DPYSL5: variants seen among roughly 807,000 people sequenced by gnomAD.
DPYSL5 encodes the protein dihydropyrimidinase like 5, also known as dihydropyrimidinase-related protein 5.
In DPYSL5, 9 loss-of-function variants were observed where a neutral mutation model predicts 58.4. The observed-to-expected ratio is 0.15, with a 90% CI of 0.09 to 0.27. The LOEUF is 0.27. Among genes scored for constraint, DPYSL5 ranks in the 10% least tolerant of loss-of-function variants. The pLI, the probability that DPYSL5 is intolerant of heterozygous loss-of-function variation, is 1.00. For synonymous variants in DPYSL5, 293 were observed against 301.9 expected, an observed-to-expected ratio of 0.97 and a Z score of 0.31; for missense variants, 499 against 770.6, an observed-to-expected ratio of 0.65 and a Z score of 4.17.
chr2:26,877,639 C>T lies in DPYSL5; in HGVS notation c.-4-20857C>T, dbSNP rs1407107352. On this transcript the variant is annotated intron_variant, in intron 1 of 12. Transcript: ENST00000288699. This position sits in a 1 kb window ranked among gnomAD's most constrained non-coding sequence, Gnocchi z 4.1. ...CACTGTCACACAATATCTTTTAACT[C>T]ATCTGTATTTGTATAACAATATTTT... is the stretch of plus-strand genomic sequence containing the variant. 3.3e-5 allele frequency among the ~76,000 whole-genome samples: 5 copies of T among 152,314 alleles called. No individual in the cohort carries two copies. The highest frequency in any genetic ancestry group is 5.9e-5 in the Non-Finnish European group (4 of 68,012).
rs1664799687 is a variant in DPYSL5, at chr2:26,925,203, G to T, written c.420+158G>T. On this transcript the variant is annotated intron_variant, in intron 3 of 12. Coordinates refer to ENST00000288699, the MANE Select transcript of DPYSL5 (RefSeq NM_020134.4). This position sits in a 1 kb window ranked among gnomAD's most constrained non-coding sequence, Gnocchi z 4.5. Reference sequence around the variant, plus strand: ...AGAAAACACACTTGGGATTCCATAAGGGGAGCGGATGGGCTTGTGCTGCTT... The same window carrying T: ...AGAAAACACACTTGGGATTCCATAATGGGAGCGGATGGGCTTGTGCTGCTT... Among the ~76,000 whole-genome samples, 1 of 152,198 alleles carries T rather than the reference G, an allele frequency of 6.6e-6. No individual in the cohort carries two copies. Among genetic ancestry groups the T allele is most frequent in the Admixed American group, 6.5e-5 (1 of 15,292 alleles).
intron 1 of DPYSL5, among the ~76,000 whole-genome samples, chr2:26,856,871 A>G (rs1027013920): frequency 3.5e-5 from 5 of 143,704 alleles, no homozygotes; most frequent in African/African-American, 1.4e-4. Context: ...ACAGTAATCT[A>G]TCAGTTAAAA....
rs1665340774 is a variant in DPYSL5, at chr2:26,942,203, T to C, written c.1232+111T>C. The C allele has an allele frequency of 2.7e-6, 4 of 1,488,936 alleles. No homozygotes were observed. Among genetic ancestry groups the C allele is most frequent in the Non-Finnish European group, 3.6e-6 (4 of 1,102,934 alleles). 92.2% of individuals were successfully genotyped at this position (1,488,936 alleles called of 1,614,324 possible). A position where few individuals can be genotyped will look rare whatever the true frequency, so the allele number is the denominator to read the frequency against. ...TTTGCACTATTTCTAGCACAAAATA[T>C]GGCCCTGGCCTACCGTTGGCCATCT... On this transcript the variant is annotated intron_variant, in intron 10 of 12. Coordinates refer to ENST00000288699, the MANE Select transcript of DPYSL5 (RefSeq NM_020134.4). The surrounding 1 kb of genome is among the most constrained non-coding windows in gnomAD (Gnocchi z 5.9).
intron 2 of DPYSL5, among the ~76,000 whole-genome samples, chr2:26,912,317 G>A (rs1225522785): frequency 1.3e-5 from 2 of 152,228 alleles, no homozygotes; most frequent in Non-Finnish European, 2.9e-5. Flanking sequence ...CATTTCCAGG[G>A]CGGCCTCTCG....
At chr2:26,943,668 T>A (rs921570653) in intron 11 of DPYSL5, among the ~76,000 whole-genome samples, 3 of 152,246 alleles carry the variant, frequency 2.0e-5, no homozygotes, top group Non-Finnish European at 4.4e-5. Context: ...GGAACAGCTT[T>A]ACACATATTA....
rs947307037 is a variant in DPYSL5 at position 26,949,515 on chromosome 2, C to A, written c.*2520C>A. On this transcript the variant is annotated 3_prime_UTR_variant, in exon 13 of 13. Coordinates refer to ENST00000288699, the MANE Select transcript of DPYSL5 (RefSeq NM_020134.4). ...CCATCTCTATCCCTGTCAGCCCTCACTGGGTCATGGGCCTTGGGCAGATGT... is the reference window on the plus strand; with the variant it reads ...CCATCTCTATCCCTGTCAGCCCTCAATGGGTCATGGGCCTTGGGCAGATGT... 1 of 152,368 alleles carries A rather than the reference C, an allele frequency of 6.6e-6. No homozygotes were observed. The highest frequency in any genetic ancestry group is 1.5e-5 in the Non-Finnish European group (1 of 68,150). 9.4% of individuals were successfully genotyped at this position (152,368 alleles called of 1,614,324 possible). A position where few individuals can be genotyped will look rare whatever the true frequency, so the allele number is the denominator to read the frequency against.
Position 26,942,044 on chromosome 2 carries a change from T to C in DPYSL5, c.1184T>C (p.Ile395Thr). 1 of 1,614,200 alleles carries C rather than the reference T, an allele frequency of 6.2e-7. No individual in the cohort carries two copies. Among genetic ancestry groups the C allele is most frequent in the Middle Eastern group, 1.7e-4 (1 of 6,054 alleles). ...CTGTATCCCCGCAAGGGCCGCATTA[T>C]TCCCGGAGCCGATGCTGATGTGGTG... ...LNLYPRKGRIIPGADADVVVW... is the reference protein window; with the variant it reads ...LNLYPRKGRITPGADADVVVW... The change falls in exon 10 of 13, where the codon ATT becomes ACT. Residue 395 changes from isoleucine to threonine, a missense_variant. By Grantham distance (89) the Ile-to-Thr change is moderately conservative. This residue lies in a region of DPYSL5 where 404 missense variants were observed against 647.6 expected (regional missense o/e 0.62). Coordinates refer to ENST00000288699, the MANE Select transcript of DPYSL5 (RefSeq NM_020134.4). The surrounding 1 kb of genome is among the most constrained non-coding windows in gnomAD (Gnocchi z 5.9).
chr2:26,918,616 G>C (rs943395766), intron 2 of DPYSL5, among the ~76,000 whole-genome samples: 1 of 152,206 alleles, frequency 6.6e-6, no homozygotes, highest in Non-Finnish European at 1.5e-5. Context: ...GCAGCATTAA[G>C]AGCTGCAGAC....
rs1250948252 is a variant in DPYSL5, at chr2:26,938,825, T to G, written c.948-1206T>G. Reference sequence around the variant, plus strand: ...GACCTTCAGGGCACCCACAGTGTGGTCCCAGCAGTCATCCCCTCCCCCACC... The same window carrying G: ...GACCTTCAGGGCACCCACAGTGTGGGCCCAGCAGTCATCCCCTCCCCCACC... On this transcript the variant is annotated intron_variant, in intron 8 of 12. Transcript: ENST00000288699. 9 of 152,258 alleles carry G rather than the reference T, an allele frequency of 5.9e-5. No homozygotes were observed. The East Asian group carries it at 1.6e-3, about 26-fold the overall frequency. The allele number at this position is 152,258 out of a possible 1,614,324, so 9.4% of individuals were successfully genotyped here.
chr2:26,873,372 C>T (rs1663320544), intron 1 of DPYSL5, among the ~76,000 whole-genome samples: 1 of 152,146 alleles, frequency 6.6e-6, no homozygotes, highest in Admixed American at 6.6e-5. Context: ...TCCCCCTCAC[C>T]CCCCTGGCAA....
rs1572664700 is a variant in DPYSL5 at position 26,849,662 on chromosome 2, C to G, written c.-5+1408C>G. Among the ~76,000 whole-genome samples the G allele has an allele frequency of 6.6e-6, 1 of 152,222 alleles. No individual in the cohort carries two copies. Among genetic ancestry groups the G allele is most frequent in the South Asian group, 2.1e-4 (1 of 4,834 alleles). On this transcript the variant is annotated intron_variant, in intron 1 of 12. Coordinates refer to ENST00000288699, the MANE Select transcript of DPYSL5 (RefSeq NM_020134.4). This position sits in a 1 kb window ranked among gnomAD's most constrained non-coding sequence, Gnocchi z 6.2. ...AGGCGGATCTCCCTTCGGGGAGACC[C>G]GGAGAACAATAGCCGACCCTGGTGT...
At chr2:26,848,879 C>T (rs1249802869) in intron 1 of DPYSL5, among the ~76,000 whole-genome samples, 1 of 152,136 alleles carries the variant, frequency 6.6e-6, no homozygotes. Flanking sequence ...GCTGCCCAGC[C>T]CGGAGCGGGC....
chr2:26,914,847 A>T (rs1178608693), intron 2 of DPYSL5, among the ~76,000 whole-genome samples: 5 of 151,968 alleles, frequency 3.3e-5, no homozygotes, highest in Admixed American at 6.6e-5. Flanking sequence ...CTGCATCTTA[A>T]CCTCTAAGGG....
intron 1 of DPYSL5, among the ~76,000 whole-genome samples, chr2:26,851,796 T>C (rs372708846): frequency 6.6e-6 from 1 of 152,006 alleles, no homozygotes; most frequent in Admixed American, 6.6e-5. Flanking sequence ...TACAAAAAAA[T>C]TAGCCTGACG....
chr2:26,920,963 G>T (rs1249202980), intron 2 of DPYSL5, among the ~76,000 whole-genome samples: 2 of 151,972 alleles, frequency 1.3e-5, no homozygotes, highest in African/African-American at 4.8e-5. Context: ...CATTTAATTT[G>T]GTCATGAATT....
chr2:26,928,807 C>T (rs2148162009), intron 5 of DPYSL5, among the ~76,000 whole-genome samples: 1 of 148,982 alleles, frequency 6.7e-6, no homozygotes, highest in Non-Finnish European at 1.5e-5. Flanking sequence ...GGTGAAATTT[C>T]CATTTGATTC....
intron 1 of DPYSL5, among the ~76,000 whole-genome samples, chr2:26,866,205 A>T (rs931716708): frequency 9.2e-5 from 14 of 152,230 alleles, no homozygotes; most frequent in Admixed American, 6.5e-5. Flanking sequence ...TCTGAACCCC[A>T]CTGGCCTCAT....
chr2:26,899,528 C>G (rs1558337484), intron 2 of DPYSL5, among the ~76,000 whole-genome samples: 1 of 152,192 alleles, frequency 6.6e-6, no homozygotes. Context: ...GAGAGCAAGG[C>G]CTGGCCATTT....
intron 2 of DPYSL5, among the ~76,000 whole-genome samples, chr2:26,909,625 A>G (rs890386096): frequency 6.6e-6 from 1 of 151,992 alleles, no homozygotes. Flanking sequence ...AAATTAGCCA[A>G]GCATGATGGT....
Sources: gnomAD v4.1 joint callset for allele counts (sites outside exome capture counted in the v4.1 genomes callset) on GRCh38, gnomAD v4.1.1 for gene constraint, gnomAD v4.1.1 regional missense constraint, Gnocchi (gnomAD v3.1) non-coding constraint, MANE v1.5 for transcripts, NCBI Gene and HGNC (gene_info 2026-07-23, HGNC 2026-07-21) for gene names.